PLCB2: variants seen among roughly 807,000 people sequenced by gnomAD.
The protein encoded by PLCB2 is 1-phosphatidylinositol 4,5-bisphosphate phosphodiesterase beta-2.
In PLCB2, 115 loss-of-function variants were observed where a neutral mutation model predicts 141.7. That is an observed-to-expected ratio of 0.81 (90% CI 0.70 to 0.95). The LOEUF is 0.95. Ranked by LOEUF, PLCB2 falls within the 40% of genes least tolerant of loss-of-function variation. The probability of loss-of-function intolerance (pLI) is 0.00; values close to 1 mark genes in which losing one functional copy is unlikely to be tolerated. For synonymous variants in PLCB2, 603 were observed against 595.6 expected (o/e 1.01, Z -0.18); for missense variants, 1,403 against 1,541.1 (o/e 0.91, Z 1.50).
chr15:40,307,247 C>T (rs1037124433), intron 1 of PLCB2, among the ~76,000 whole-genome samples: 1 of 152,118 alleles, frequency 6.6e-6, no homozygotes, highest in Non-Finnish European at 1.5e-5. Flanking sequence ...ACGAGCTCAC[C>T]TCTCCTCCTA....
rs1415333517 is a variant in PLCB2 at position 40,291,649 on chromosome 15, T to A, written c.2604A>T (p.Ala868=). ...CCTCTTCCCTGGCCCCGGCCCTGGC[T>A]GCTGCAAGAGCCACGGGCTGGGCTG... ...ALAPTSNGSP[A]ARAGAREEAM... is the part of the protein sequence containing the mutation. The change falls in exon 25 of 32, where the codon GCA becomes GCT. Residue 868 remains alanine (A), a splice_region_variant and synonymous_variant. Coordinates refer to ENST00000260402, the MANE Select transcript of PLCB2 (RefSeq NM_004573.3). 6.2e-7 allele frequency: 1 copy of A among 1,613,096 alleles called. No individual in the cohort carries two copies. The highest frequency in any genetic ancestry group is 1.7e-5 in the Admixed American group (1 of 59,996).
At chr15:40,295,157 C>T (rs1375031733) in intron 17 of PLCB2, 44 bp downstream of exon 17, 7 of 1,608,760 alleles carry the variant, frequency 4.4e-6, no homozygotes, top group Non-Finnish European at 6.0e-6. Flanking sequence ...CCTCTGGCTC[C>T]CCACCCAAGC....
At chr15:40,285,524 T>A (rs2039598679), downstream of PLCB2, 2 of 985,136 alleles carry the variant, frequency 2.0e-6, no homozygotes, top group African/African-American at 3.5e-5. Flanking sequence ...CATAGTTATT[T>A]AGAGTGCAGC....
rs770633096 is a variant in PLCB2, at chr15:40,298,286, T to C, written c.1092A>G (p.Lys364=). The C allele has an allele frequency of 3.1e-6, 5 of 1,602,802 alleles. No individual in the cohort carries two copies. The highest frequency in any genetic ancestry group is 1.7e-4 in the Middle Eastern group (1 of 6,016). Reference sequence around the variant, plus strand: ...TGATAATGGGCTCCTCGTCAGGGGGTTTCCCCTTCCAGCAGTCTAGCTCCA... The same window carrying C: ...TGATAATGGGCTCCTCGTCAGGGGGCTTCCCCTTCCAGCAGTCTAGCTCCA... ...RCVELDCWKG[K]PPDEEPIITH... Residue 364 remains lysine (K), a synonymous_variant, in exon 11 of 32, where the codon AAA becomes AAG. Transcript: ENST00000260402.
downstream of PLCB2, chr15:40,285,602 C>A (rs2039599788): frequency 2.0e-6 from 2 of 985,324 alleles, no homozygotes; most frequent in Non-Finnish European, 2.4e-6. Flanking sequence ...TGGATAGAGA[C>A]TCTCCACCCC....
chr15:40,290,333 A>G (rs1236855995), intron 29 of PLCB2, among the ~76,000 whole-genome samples: 1 of 152,156 alleles, frequency 6.6e-6, no homozygotes, highest in African/African-American at 2.4e-5. Flanking sequence ...ACAGGCTACA[A>G]TCCCAAGGCC....
intron 18 of PLCB2, 109 bp from the exon 19 acceptor site, chr15:40,294,529 G>A: frequency 8.9e-7 from 1 of 1,123,116 alleles, no homozygotes; most frequent in Non-Finnish European, 1.3e-6. Context: ...GAGGTTGGGT[G>A]GACCGTGAGG....
At chr15:40,287,237 CA>C (rs2039626056), downstream of PLCB2, among the ~76,000 whole-genome samples, 1 of 152,164 alleles carries the variant, frequency 6.6e-6, no homozygotes, top group South Asian at 2.1e-4. Context: ...CCTCACCCTA[CA>C]GCCAGGGCCT....
At position 40,293,728 on chromosome 15, in the gene PLCB2, G is replaced by T; in HGVS notation, c.2062-4C>A. 1.2e-6 allele frequency: 2 copies of T among 1,604,418 alleles called. No homozygotes were observed. The highest frequency in any genetic ancestry group is 1.7e-6 in the Non-Finnish European group (2 of 1,172,382). On this transcript the variant is annotated splice_region_variant and splice_polypyrimidine_tract_variant and intron_variant, in intron 19 of 31. Coordinates refer to ENST00000260402, the MANE Select transcript of PLCB2 (RefSeq NM_004573.3). ...ACAGGAACTGCCCAGAGATCACCTG[G>T]GGGTAGGGGCCCAGGAAAACCAGCA...
At chr15:40,307,352 C>G (rs1002233584) in intron 1 of PLCB2, among the ~76,000 whole-genome samples, 2 of 152,148 alleles carry the variant, frequency 1.3e-5, no homozygotes, top group Admixed American at 1.3e-4. Context: ...CCAGTGACCA[C>G]CCAGGCAGCT....
At chr15:40,307,298 T>C (rs2040847409) in intron 1 of PLCB2, among the ~76,000 whole-genome samples, 1 of 152,048 alleles carries the variant, frequency 6.6e-6, no homozygotes, top group Admixed American at 6.6e-5. Context: ...CCTCTTCTCT[T>C]GGGGGTTTGA....
At chr15:40,306,573 A>G (rs546391910) in intron 1 of PLCB2, among the ~76,000 whole-genome samples, 6 of 152,008 alleles carry the variant, frequency 3.9e-5, no homozygotes, top group Admixed American at 3.9e-4. Context: ...CCAACCCCAC[A>G]TCACTCCTAG....
chr15:40,297,793 G>T lies in PLCB2; in HGVS notation c.1238+84C>A. On this transcript the variant is annotated intron_variant, in intron 12 of 31. Coordinates refer to ENST00000260402, the MANE Select transcript of PLCB2 (RefSeq NM_004573.3). This position sits in a 1 kb window ranked among gnomAD's most constrained non-coding sequence, Gnocchi z 4.2. ...GAGAAGCTGTAGGCAATGGTTAGAG[G>T]CTGGGGCAGTTGTGGGGAGGACAGT... 8.9e-7 allele frequency: 1 copy of T among 1,129,266 alleles called. No individual in the cohort carries two copies. Among genetic ancestry groups the T allele is most frequent in the South Asian group, 1.3e-5 (1 of 77,858 alleles). 70.0% of individuals were successfully genotyped at this position (1,129,266 alleles called of 1,614,324 possible). A position where few individuals can be genotyped will look rare whatever the true frequency, so the allele number is the denominator to read the frequency against.
intron 7 of PLCB2, 178 bp downstream of exon 7, chr15:40,301,779 C>A: frequency 1.4e-6 from 1 of 700,802 alleles, no homozygotes. Flanking sequence ...CTCCCTTGCC[C>A]TGGCTCCACC....
intron 21 of PLCB2, 26 bp downstream of exon 21, chr15:40,292,900 G>GA: frequency 6.8e-7 from 1 of 1,460,510 alleles, no homozygotes; most frequent in Non-Finnish European, 9.5e-7. Flanking sequence ...GCTGATCTTG[G>GA]AACAGTGAAG....
intron 29 of PLCB2, 54 bp from the exon 30 acceptor site, chr15:40,290,136 G>T: frequency 9.0e-7 from 1 of 1,115,052 alleles, no homozygotes; most frequent in Non-Finnish European, 1.4e-6. Context: ...GGGAGAGTAG[G>T]GTAACATGAA....
At chr15:40,303,750 T>C in intron 2 of PLCB2, 1 of 518,180 alleles carries the variant, frequency 1.9e-6, no homozygotes, top group South Asian at 2.4e-5. Context: ...TCAGCAGCAG[T>C]GCTTTCGCCT....
intron 28 of PLCB2, 44 bp from the exon 29 acceptor site, chr15:40,290,716 C>A: frequency 6.2e-7 from 1 of 1,611,838 alleles, no homozygotes; most frequent in Non-Finnish European, 8.5e-7. Flanking sequence ...TGCGGCTGAG[C>A]CCTTGCTGGG....
intron 19 of PLCB2, 60 bp from the exon 20 acceptor site, chr15:40,293,784 A>G (rs2040054982): frequency 1.3e-6 from 2 of 1,564,778 alleles, no homozygotes; most frequent in Non-Finnish European, 8.7e-7. Context: ...TTCCCCAAGC[A>G]TCTGGGGCCC....
Sources: gnomAD v4.1 joint callset for allele counts (sites outside exome capture counted in the v4.1 genomes callset) on GRCh38, gnomAD v4.1.1 for gene constraint, Gnocchi (gnomAD v3.1) non-coding constraint, MANE v1.5 for transcripts, NCBI Gene and HGNC (gene_info 2026-07-23, HGNC 2026-07-21) for gene names.